Variants in LIN9 observed in about 807,000 individuals in gnomAD.
The protein encoded by LIN9 is protein lin-9 homolog.
LIN9 carries 18 observed loss-of-function variants against 78.0 expected under a neutral mutation model. The ratio of observed to expected loss-of-function variants is 0.23; its 90% CI spans 0.16 to 0.34. LIN9 has a LOEUF of 0.34. Among genes scored for constraint, LIN9 ranks in the 10% least tolerant of loss-of-function variants. LIN9 has a pLI of 1.00. For missense variants in LIN9, 451 were observed against 644.1 expected (o/e 0.70, Z 3.25); for synonymous variants, 192 against 215.2 (o/e 0.89, Z 0.94).
intron 2 of LIN9, among the ~76,000 whole-genome samples, chr1:226,300,000 G>A (rs773597079): frequency 4.0e-5 from 6 of 150,552 alleles, no homozygotes; most frequent in African/African-American, 7.3e-5. Flanking sequence ...GTGTGGTGGC[G>A]CGATCTTGGC....
intron 8 of LIN9, among the ~76,000 whole-genome samples, chr1:226,267,179 C>T (rs1659970026): frequency 6.6e-6 from 1 of 150,716 alleles, no homozygotes; most frequent in South Asian, 2.1e-4. Context: ...AATTTTCTTT[C>T]TCTCCTATTG....
intron 10 of LIN9, among the ~76,000 whole-genome samples, chr1:226,263,187 A>G (rs887717528): frequency 1.3e-5 from 2 of 152,190 alleles, no homozygotes; most frequent in African/African-American, 2.4e-5. Flanking sequence ...AAACTACTCT[A>G]TATGATACAT....
Position 226,232,285 on chromosome 1 carries a change from A to G in LIN9, c.*216T>C. The G allele has an allele frequency of 2.4e-6, 1 of 408,588 alleles. No homozygotes were observed. Among genetic ancestry groups the G allele is most frequent in the South Asian group, 1.2e-4 (1 of 8,660 alleles). The allele number at this position is 408,588 out of a possible 1,614,324, so 25.3% of individuals were successfully genotyped here. On this transcript the variant is annotated 3_prime_UTR_variant, in exon 15 of 15. Coordinates refer to ENST00000681046, the MANE Select transcript of LIN9 (RefSeq NM_001366245.2). ...GAATATAAACATATGTAACATAAGC[A>G]ATGCTACTGCATCTGAATAATAAAA...
rs1015810756 is a variant in LIN9, at chr1:226,260,637, T to G, written c.1038+4896A>C. ...GATCACGGCCAAATGAGTTTTTTTT[T>G]TTTTTTTTTTTTTTTTTTTTTTTTT... On this transcript the variant is annotated intron_variant, in intron 10 of 14. Coordinates refer to ENST00000681046, the MANE Select transcript of LIN9 (RefSeq NM_001366245.2). Among the ~76,000 whole-genome samples the G allele has an allele frequency of 8.0e-3, 906 of 113,184 alleles. 90 individuals are homozygous for G. The highest frequency in any genetic ancestry group is 0.016 in the African/African-American group (441 of 28,412). The allele number at this position is 113,184 out of a possible 152,430, so 74.3% of individuals were successfully genotyped here. A position where few individuals can be genotyped will look rare whatever the true frequency, so the allele number is the denominator to read the frequency against.
intron 1 of LIN9, among the ~76,000 whole-genome samples, chr1:226,306,393 C>A (rs1354720676): frequency 6.6e-6 from 1 of 151,982 alleles, no homozygotes; most frequent in African/African-American, 2.4e-5. Flanking sequence ...GCCCTGCCAG[C>A]TGAATGCACA....
At position 226,268,630 on chromosome 1, in the gene LIN9, T is replaced by G. The variant is rs1035746633; in HGVS notation, c.683-540A>C. On this transcript the variant is annotated intron_variant, in intron 7 of 14. Coordinates refer to ENST00000681046, the MANE Select transcript of LIN9 (RefSeq NM_001366245.2). ...TAGATTGTGCAAACGATGTGGTTAA[T>G]GCTGGACACCTGCTTTCCCTCTGGA... Among the ~76,000 whole-genome samples the G allele has an allele frequency of 1.8e-4, 27 of 152,332 alleles. 1 individual carries two copies. Among genetic ancestry groups the G allele is most frequent in the Admixed American group, 1.5e-3 (23 of 15,294 alleles).
At chr1:226,270,242 A>T (rs1660179708) in intron 7 of LIN9, among the ~76,000 whole-genome samples, 1 of 152,160 alleles carries the variant, frequency 6.6e-6, no homozygotes. Context: ...ACTAAATTAT[A>T]TGCAGACACA....
intron 5 of LIN9, 96 bp from the exon 6 acceptor site, chr1:226,286,554 C>CAT (rs201170520): frequency 4.6e-4 from 384 of 828,044 alleles, no homozygotes; most frequent in Middle Eastern, 1.5e-3. Flanking sequence ...ACTTCTACCC[C>CAT]ATATATATAT....
At chr1:226,290,629 C>T (rs1045717141) in intron 4 of LIN9, among the ~76,000 whole-genome samples, 13 of 151,320 alleles carry the variant, frequency 8.6e-5, no homozygotes, top group Non-Finnish European at 1.8e-4. Flanking sequence ...CGTAAGCCAC[C>T]GCACCCGGCC....
chr1:226,269,536 C>T (rs1276362020), intron 7 of LIN9, among the ~76,000 whole-genome samples: 1 of 152,134 alleles, frequency 6.6e-6, no homozygotes, highest in African/African-American at 2.4e-5. Flanking sequence ...ACTCAGTGGC[C>T]TCTTTGCACG....
chr1:226,259,864 A>T (rs1659453367), intron 10 of LIN9, among the ~76,000 whole-genome samples: 1 of 145,836 alleles, frequency 6.9e-6, no homozygotes, highest in Non-Finnish European at 1.5e-5. Context: ...TTAGGAAACT[A>T]AAAAAAAAAA....
rs188515212 is a variant in LIN9 at position 226,307,758 on chromosome 1, G to A, written c.31+1351C>T. On this transcript the variant is annotated intron_variant, in intron 1 of 14. Coordinates refer to ENST00000681046, the MANE Select transcript of LIN9 (RefSeq NM_001366245.2). ...GTGACTACTAGCTACATGTGACTAT[G>A]CAAGTTAAAATTAAATAAAATTCAA... 4.9e-3 allele frequency among the ~76,000 whole-genome samples: 748 copies of A among 152,328 alleles called. 5 individuals are homozygous for A. The highest frequency in any genetic ancestry group is 7.0e-3 in the Non-Finnish European group (476 of 68,042).
At chr1:226,290,350 C>CT (rs1186556520) in intron 4 of LIN9, among the ~76,000 whole-genome samples, 104 of 97,994 alleles carry the variant, frequency 1.1e-3, no homozygotes, top group African/African-American at 3.9e-3. Context: ...TTTTTTTTTT[C>CT]TTTTTTTTGA....
chr1:226,263,422 T>C (rs1186792787), intron 10 of LIN9, among the ~76,000 whole-genome samples: 5 of 152,124 alleles, frequency 3.3e-5, no homozygotes, highest in African/African-American at 1.2e-4. Context: ...AATTTTGCTA[T>C]GAACCTAAAA....
intron 6 of LIN9, among the ~76,000 whole-genome samples, chr1:226,284,447 G>A (rs1022095536): frequency 3.3e-5 from 5 of 152,126 alleles, no homozygotes; most frequent in African/African-American, 1.2e-4. Flanking sequence ...AAAGAGGCCA[G>A]GTGTAGTGGC....
Position 226,268,075 on chromosome 1 carries a change from A to C in LIN9, c.698T>G (p.Val233Gly), listed in dbSNP as rs1660044081. 1.2e-6 allele frequency: 2 copies of C among 1,613,862 alleles called. No individual in the cohort carries two copies. The highest frequency in any genetic ancestry group is 4.5e-5 in the East Asian group (2 of 44,854). Residue 233 changes from valine to glycine, a missense_variant, in exon 8 of 15, where the codon GTT becomes GGT. Coordinates refer to ENST00000681046, the MANE Select transcript of LIN9 (RefSeq NM_001366245.2). The part of the protein sequence containing the change: ...GTKVTARLRG[V>G]HDGLFTGQID... ...TTGTCCAGTGAACAAACCATCATGA[A>C]CACCACGTAATCGTGCTGAGAAAAG...
At chr1:226,293,237 A>G (rs545601152) in intron 4 of LIN9, among the ~76,000 whole-genome samples, 31 of 152,366 alleles carry the variant, frequency 2.0e-4, no homozygotes, top group Admixed American at 1.9e-3. Context: ...AAGAAGTCTC[A>G]TATCATGTTT....
rs1657373123 is a variant in LIN9 at position 226,232,069 on chromosome 1, A to G, written c.*432T>C. On this transcript the variant is annotated 3_prime_UTR_variant, in exon 15 of 15. Coordinates refer to ENST00000681046, the MANE Select transcript of LIN9 (RefSeq NM_001366245.2). ...GATGGTGATCAACTAAATCAAGTGG[A>G]GTTGTAATTTTCTGGATGGAATTTC... 1.0e-5 allele frequency: 4 copies of G among 398,564 alleles called. No homozygotes were observed. The highest frequency in any genetic ancestry group is 1.8e-5 in the Non-Finnish European group (4 of 226,048). 24.7% of individuals were successfully genotyped at this position (398,564 alleles called of 1,614,324 possible). A position where few individuals can be genotyped will look rare whatever the true frequency, so the allele number is the denominator to read the frequency against.
intron 10 of LIN9, among the ~76,000 whole-genome samples, chr1:226,252,022 A>C (rs1313706718): frequency 6.6e-6 from 1 of 152,132 alleles, no homozygotes; most frequent in Non-Finnish European, 1.5e-5. Context: ...TGGGAGGCCA[A>C]GGCGGGAAGA....
Sources: gnomAD v4.1 joint callset for allele counts (sites outside exome capture counted in the v4.1 genomes callset) on GRCh38, gnomAD v4.1.1 for gene constraint, MANE v1.5 for transcripts, NCBI Gene and HGNC (gene_info 2026-07-23, HGNC 2026-07-21) for gene names.